The following GPBP1 variants were observed in gnomAD, a reference collection of about 807,000 sequenced individuals.
GPBP1 encodes the protein GC-rich promoter binding protein 1, also known as vasculin.
A neutral mutation model predicts 56.5 loss-of-function variants in GPBP1; 13 were observed. That is an observed-to-expected ratio of 0.23 (90% CI 0.15 to 0.37). The LOEUF (loss-of-function observed/expected upper bound fraction) is 0.37, where lower values mean the gene tolerates loss of function less well. Ranked by LOEUF, GPBP1 falls within the 10% of genes least tolerant of loss-of-function variation. The pLI is 1.00. For synonymous variants in GPBP1, 204 were observed against 188.9 expected, an observed-to-expected ratio of 1.08 and a Z score of -0.66; for missense variants, 477 against 572.3, an observed-to-expected ratio of 0.83 and a Z score of 1.70.
At chr5:57,193,397 G>C (rs1373579190) in intron 2 of GPBP1, among the ~76,000 whole-genome samples, 3 of 151,888 alleles carry the variant, frequency 2.0e-5, no homozygotes, top group Non-Finnish European at 4.4e-5. Flanking sequence ...GAGATCACTT[G>C]AGTTCAGGAA....
At chr5:57,225,791 G>A (rs1186848941) in intron 3 of GPBP1, among the ~76,000 whole-genome samples, 1 of 152,166 alleles carries the variant, frequency 6.6e-6, no homozygotes, top group Non-Finnish European at 1.5e-5. Context: ...TGTCACCTCT[G>A]TCCACATGCT....
chr5:57,238,506 C>T (rs1042179500), intron 6 of GPBP1, among the ~76,000 whole-genome samples: 3 of 151,956 alleles, frequency 2.0e-5, no homozygotes, highest in Admixed American at 6.6e-5. Context: ...TGCGGTGAGC[C>T]GAGGTCGCAC....
intron 6 of GPBP1, among the ~76,000 whole-genome samples, chr5:57,242,991 C>T (rs1191618247): frequency 2.0e-5 from 3 of 151,732 alleles, no homozygotes; most frequent in Admixed American, 6.6e-5. Flanking sequence ...CCTTGTGATC[C>T]GTCCGCCTCA....
intron 2 of GPBP1, among the ~76,000 whole-genome samples, chr5:57,200,392 G>T (rs1384168575): frequency 3.2e-5 from 4 of 126,084 alleles, no homozygotes; most frequent in South Asian, 2.6e-4. Flanking sequence ...TTTTGAGATG[G>T]AGTATCATAC....
At chr5:57,249,205 C>A (rs1021193403) in intron 8 of GPBP1, 10 of 455,872 alleles carry the variant, frequency 2.2e-5, no homozygotes, top group Non-Finnish European at 3.9e-5. Flanking sequence ...ATCAGACCTT[C>A]ATTGTTTGTG....
At chr5:57,224,907 G>A (rs1756112933) in intron 3 of GPBP1, among the ~76,000 whole-genome samples, 1 of 151,260 alleles carries the variant, frequency 6.6e-6, no homozygotes, top group African/African-American at 2.4e-5. Flanking sequence ...TTGCTTGAGT[G>A]AACTGCTCAC....
chr5:57,175,040 C>G (rs918161151), intron 1 of GPBP1, among the ~76,000 whole-genome samples: 17 of 152,218 alleles, frequency 1.1e-4, no homozygotes, highest in Non-Finnish European at 4.4e-5. Context: ...TTCGCTAATA[C>G]TCCGTGGCAG....
At chr5:57,248,823 C>G (rs1002349030) in intron 8 of GPBP1, 1 of 152,196 alleles carries the variant, frequency 6.6e-6, no homozygotes, top group African/African-American at 2.4e-5. Flanking sequence ...AATATACATA[C>G]ATTAATGCCA....
At chr5:57,210,954 A>G (rs937963892) in intron 2 of GPBP1, among the ~76,000 whole-genome samples, 6 of 152,142 alleles carry the variant, frequency 3.9e-5, no homozygotes, top group Non-Finnish European at 7.3e-5. Context: ...AAATATTGCT[A>G]CATTTGAGGT....
intron 2 of GPBP1, among the ~76,000 whole-genome samples, chr5:57,190,295 G>A (rs1018884725): frequency 6.6e-6 from 1 of 151,874 alleles, no homozygotes; most frequent in African/African-American, 2.4e-5. Context: ...TTTAGAAGCT[G>A]TTTTATCAGC....
At chr5:57,174,587 AG>A (rs1753713828) in intron 1 of GPBP1, among the ~76,000 whole-genome samples, 3 of 151,986 alleles carry the variant, frequency 2.0e-5, no homozygotes. Flanking sequence ...TACCCTTCTC[AG>A]GGCTGAGGGA....
At chr5:57,208,127 C>T (rs942759046) in intron 2 of GPBP1, among the ~76,000 whole-genome samples, 7 of 152,136 alleles carry the variant, frequency 4.6e-5, no homozygotes, top group Admixed American at 3.3e-4. Flanking sequence ...GGACCATGCC[C>T]TTCCCTTCCC....
intron 2 of GPBP1, among the ~76,000 whole-genome samples, chr5:57,198,639 A>C (rs1187857442): frequency 6.6e-6 from 1 of 151,982 alleles, no homozygotes. Context: ...GCTTGAGGTC[A>C]AGAGTTCGAG....
Position 57,235,896 on chromosome 5 carries a change from TATGA to T in GPBP1, c.412-69_412-66del, listed in dbSNP as rs1374830276. On this transcript the variant is annotated intron_variant, in intron 5 of 11. Coordinates refer to ENST00000506184, the MANE Select transcript of GPBP1 (RefSeq NM_022913.4). ...TATTTGATTCATCAGTTACAACATGTATGATTCTGAGATTGGTTTTAAATGATTT... is the reference window on the plus strand; with the variant it reads ...TATTTGATTCATCAGTTACAACATGTTTCTGAGATTGGTTTTAAATGATTT... The T allele has an allele frequency of 2.8e-6, 3 of 1,077,104 alleles. No individual in the cohort carries two copies. In the East Asian group the frequency reaches 7.1e-5, roughly 25 times the overall value. 66.7% of individuals were successfully genotyped at this position (1,077,104 alleles called of 1,614,324 possible). A position where few individuals can be genotyped will look rare whatever the true frequency, so the allele number is the denominator to read the frequency against.
chr5:57,226,329 C>T (rs542277874), intron 3 of GPBP1, among the ~76,000 whole-genome samples: 9 of 152,158 alleles, frequency 5.9e-5, no homozygotes, highest in Non-Finnish European at 1.2e-4. Flanking sequence ...AGGGTTTATT[C>T]AGTTGGCTGG....
At chr5:57,249,682 A>C in intron 9 of GPBP1, 106 bp downstream of exon 9, 1 of 945,788 alleles carries the variant, frequency 1.1e-6, no homozygotes, top group Non-Finnish European at 1.5e-6. Context: ...CTTGGAAAGA[A>C]ACTTGGAAAG....
At chr5:57,197,287 T>G (rs1754806867) in intron 2 of GPBP1, among the ~76,000 whole-genome samples, 1 of 152,068 alleles carries the variant, frequency 6.6e-6, no homozygotes, top group African/African-American at 2.4e-5. Flanking sequence ...GAATCTTTAT[T>G]TCCATGCTCA....
intron 8 of GPBP1, among the ~76,000 whole-genome samples, chr5:57,248,312 C>T (rs1399930686): frequency 6.6e-6 from 1 of 152,030 alleles, no homozygotes; most frequent in East Asian, 1.9e-4. Flanking sequence ...TTGAAACTCC[C>T]AGAACAGGGA....
intron 3 of GPBP1, among the ~76,000 whole-genome samples, chr5:57,226,729 CTTTTTTTT>C (rs70999067): frequency 4.0e-4 from 31 of 77,096 alleles, no homozygotes; most frequent in East Asian, 8.2e-4. Context: ...TTTTTGTATT[CTTTTTTTT>C]TTTTTTTTTT....
Sources: gnomAD v4.1 joint callset for allele counts (sites outside exome capture counted in the v4.1 genomes callset) on GRCh38, gnomAD v4.1.1 for gene constraint, MANE v1.5 for transcripts, NCBI Gene and HGNC (gene_info 2026-07-23, HGNC 2026-07-21) for gene names.